Variants in ESX1 observed in about 807,000 individuals in gnomAD.
ESX1 encodes ESX homeobox 1.
ESX1 carries 2 observed loss-of-function variants against 13.2 expected under a neutral mutation model. The observed-to-expected ratio is 0.15, with a 90% CI of 0.06 to 0.48. The LOEUF (loss-of-function observed/expected upper bound fraction) is 0.48, where lower values mean the gene tolerates loss of function less well. Among genes scored for constraint, ESX1 ranks in the 20% least tolerant of loss-of-function variants. ESX1 has a pLI of 0.97. For missense variants in ESX1, 307 were observed against 379.0 expected (o/e 0.81, Z 1.58); for synonymous variants, 157 against 163.1 (o/e 0.96, Z 0.29).
At position 104,254,236 on chromosome X, in the gene ESX1, G is replaced by A. The variant is rs1556395203; in HGVS notation, c.424C>T (p.Arg142Cys). 2 of 1,212,041 alleles carry A rather than the reference G, an allele frequency of 1.7e-6. No homozygotes were observed. The highest frequency in any genetic ancestry group is 4.3e-5 in the Admixed American group (2 of 46,136). The part of the protein sequence containing the change: ...GPQPPERKRR[R>C]RTAFTQFQLQ... ...TGAAACTGCGTGAACGCGGTGCGGC[G>A]GCGGCGTTTCCTCTCTGGGGGCTGT... Residue 142 changes from arginine to cysteine, a missense_variant, in exon 2 of 4, where the codon CGC becomes TGC. Coordinates refer to ENST00000372588, the MANE Select transcript of ESX1 (RefSeq NM_153448.4).
intron 3 of ESX1, among the ~76,000 whole-genome samples, chrX:104,252,462 A>G (rs1556394562): frequency 8.9e-6 from 1 of 112,350 alleles, no homozygotes; most frequent in East Asian, 2.8e-4. Flanking sequence ...ACATGTGCAT[A>G]TATGTGTACG....
chrX:104,254,581 G>A lies in ESX1; in HGVS notation c.83-4C>T. The A allele has an allele frequency of 8.3e-7, 1 of 1,205,123 alleles. No individual in the cohort carries two copies. Among genetic ancestry groups the A allele is most frequent in the Non-Finnish European group, 1.1e-6 (1 of 890,649 alleles). On this transcript the variant is annotated splice_region_variant and splice_polypyrimidine_tract_variant and intron_variant, in intron 1 of 3. Transcript: ENST00000372588. ...GAGGTCACGGTAAGTTTCTCATCTG[G>A]GAAGGGAGGAAAGCAAAAGAGACAC...
chrX:104,250,528 C>T lies in ESX1; in HGVS notation c.921G>A (p.Pro307=), dbSNP rs184828935. The T allele has an allele frequency of 6.1e-3, 6,583 of 1,082,391 alleles. 25 individuals carry two copies. Among genetic ancestry groups the T allele is most frequent in the Non-Finnish European group, 7.2e-3 (5,977 of 834,510 alleles). The allele number at this position is 1,082,391 out of a possible 1,213,427, so 89.2% of individuals were successfully genotyped here. A position where few individuals can be genotyped will look rare whatever the true frequency, so the allele number is the denominator to read the frequency against. ...GCCCGGTTGGCACAGGCGCCATGGG[C>T]GGCCAGGGTGGCACAGGCGCCATGG... ...WPPMAPVPPW[P]PMAPVPTGPP... The change falls in exon 4 of 4, where the codon CCG becomes CCA. Residue 307 remains proline, a synonymous_variant. Coordinates refer to ENST00000372588, the MANE Select transcript of ESX1 (RefSeq NM_153448.4).
rs782574164 is a variant in ESX1, at chrX:104,254,430, C to T, written c.230G>A (p.Gly77Asp). Residue 77 changes from glycine to aspartate, a missense_variant, in exon 2 of 4, where the codon GGC becomes GAC. Physicochemically the swap from Gly to Asp is moderately conservative, Grantham distance 94. Coordinates refer to ENST00000372588, the MANE Select transcript of ESX1 (RefSeq NM_153448.4). ...CTGTTGCTCCGGCTCGTGGCCGCCGCCACCCTCACGGTCTTGGTCGTCCGA... is the reference window on the plus strand; with the variant it reads ...CTGTTGCTCCGGCTCGTGGCCGCCGTCACCCTCACGGTCTTGGTCGTCCGA... ...VPSDDQDREG[G>D]GGHEPEQQQE... 8.2e-7 allele frequency: 1 copy of T among 1,212,166 alleles called. No homozygotes were observed. The highest frequency in any genetic ancestry group is 1.1e-6 in the Non-Finnish European group (1 of 895,564).
Position 104,250,641 on chromosome X carries a change from T to G in ESX1, c.808A>C (p.Met270Leu). The G allele has an allele frequency of 8.3e-7, 1 of 1,208,195 alleles. No individual in the cohort carries two copies. The highest frequency in any genetic ancestry group is 1.1e-6 in the Non-Finnish European group (1 of 893,382). The change falls in exon 4 of 4, where the codon ATG becomes CTG. Residue 270 changes from methionine (M) to leucine (L), a missense_variant. Physicochemically the swap from Met to Leu is conservative, Grantham distance 15. This residue lies in a region of ESX1 where 108 missense variants were observed against 147.5 expected (regional missense o/e 0.73). Transcript: ENST00000372588. ...GGTGGCACAGGCGCCATGGGTGGCA[T>G]AGGTGCTATGGGTGGCCTGGGTGGC... ...PMPPRPPIAP[M>L]PPMAPVPPGS...
intron 2 of ESX1, among the ~76,000 whole-genome samples, chrX:104,253,780 C>A (rs782473747): frequency 8.9e-6 from 1 of 112,294 alleles, no homozygotes; most frequent in South Asian, 3.7e-4. Context: ...TGTAAAAGTG[C>A]GCTCCACGTG....
At chrX:104,253,938 A>T (rs782543740) in intron 2 of ESX1, among the ~76,000 whole-genome samples, 16 of 112,496 alleles carry the variant, frequency 1.4e-4, no homozygotes, top group African/African-American at 4.2e-4. Context: ...ACCCATGGTG[A>T]GCAAATTGCC....
chrX:104,252,892 C>A, intron 2 of ESX1, 64 bp from the exon 3 acceptor site: 1 of 1,050,183 alleles, frequency 9.5e-7, no homozygotes, highest in Non-Finnish European at 1.3e-6. Context: ...ATAATATGAA[C>A]GTGGCTCGGC....
At position 104,254,386 on chromosome X, in the gene ESX1, T is replaced by C. The variant is rs1556395325; in HGVS notation, c.274A>G (p.Thr92Ala). 8.3e-7 allele frequency: 1 copy of C among 1,210,752 alleles called. No individual in the cohort carries two copies. The highest frequency in any genetic ancestry group is 3.0e-5 in the East Asian group (1 of 33,776). ...TCCTCCTGCTGTTGCTCCGGCTTGG[T>C]CAGGGGCGGCTCCTCCTGCTGTTGC... ...PEQQQEEPPL[T>A]KPEQQQEEPP... Residue 92 changes from threonine to alanine, a missense_variant, in exon 2 of 4, where the codon ACC (threonine) becomes GCC (alanine). Coordinates refer to ENST00000372588, the MANE Select transcript of ESX1 (RefSeq NM_153448.4).
At chrX:104,252,315 G>A (rs1469882093) in intron 3 of ESX1, among the ~76,000 whole-genome samples, 4 of 112,054 alleles carry the variant, frequency 3.6e-5, no homozygotes, top group African/African-American at 1.3e-4. Context: ...GAATACTTCC[G>A]AGGTGAGACT....
intron 3 of ESX1, among the ~76,000 whole-genome samples, chrX:104,252,430 ATATG>A (rs782715176): frequency 1.8e-5 from 2 of 112,153 alleles, no homozygotes; most frequent in Admixed American, 1.9e-4. Context: ...TTATTGGGAT[ATATG>A]TATGTATGTA....
At position 104,250,831 on chromosome X, in the gene ESX1, A is replaced by G. The variant is rs1923165853; in HGVS notation, c.618T>C (p.Thr206=). The change falls in exon 4 of 4, where the codon ACT becomes ACC. Residue 206 remains threonine, a synonymous_variant. Transcript: ENST00000372588. ...AAGGGTGGGCCAGGTCAGCAGTAGC[A>G]GTGTTTCTCAACATTAGCACCCTCT... ...RNQRVLMLRN[T]ATADLAHPLD... is the part of the protein sequence containing the mutation. 1.7e-6 allele frequency: 2 copies of G among 1,211,786 alleles called. No homozygotes were observed. The highest frequency in any genetic ancestry group is 3.0e-5 in the East Asian group (1 of 33,834).
In ESX1 at chrX:104,252,773, A is replaced by G; in HGVS notation, c.552+10T>C. On this transcript the variant is annotated intron_variant, in intron 3 of 3. Transcript: ENST00000372588. The stretch of plus-strand genomic sequence containing the variant: ...TGTCCTGCCAAATTGCTTTTTCAAG[A>G]TTTACTGACCTGCACTCTGTCTTCA... The G allele has an allele frequency of 2.5e-6, 3 of 1,209,529 alleles. No individual in the cohort carries two copies. Among genetic ancestry groups the G allele is most frequent in the Non-Finnish European group, 3.4e-6 (3 of 893,757 alleles).
chrX:104,250,509 TTGGCACAGGCGCCATGGGCGGCCAGGG>T lies in ESX1; in HGVS notation c.913_939del (p.Pro305_Pro313del), dbSNP rs1569472715. The T allele has an allele frequency of 1.9e-3, 1,730 of 908,214 alleles. 8 individuals carry two copies. Among genetic ancestry groups the T allele is most frequent in the East Asian group, 8.2e-3 (165 of 20,240 alleles). 74.8% of individuals were successfully genotyped at this position (908,214 alleles called of 1,213,427 possible). A position where few individuals can be genotyped will look rare whatever the true frequency, so the allele number is the denominator to read the frequency against. On this transcript the variant is annotated inframe_deletion, in exon 4 of 4. Transcript: ENST00000372588. The stretch of plus-strand genomic sequence containing the variant: ...GGCACAGGCGCCATGGGCGGCCCGG[TTGGCACAGGCGCCATGGGCGGCCAGGG>T]TGGCACAGGCGCCATGGGCGGCCAG...
chrX:104,253,995 C>T (rs1196331886), intron 2 of ESX1, among the ~76,000 whole-genome samples, 159 bp downstream of exon 2: 2 of 112,059 alleles, frequency 1.8e-5, no homozygotes, highest in Non-Finnish European at 3.8e-5. Flanking sequence ...ACTCGCTTTA[C>T]CCTAGTCCCG....
rs1448517127 is a variant in ESX1, at chrX:104,254,474, G to A, written c.186C>T (p.Gly62=). 3.3e-6 allele frequency: 4 copies of A among 1,212,215 alleles called. No homozygotes were observed. The highest frequency in any genetic ancestry group is 4.5e-6 in the Non-Finnish European group (4 of 895,631). Reference sequence around the variant, plus strand: ...CGTCCGAGGGGACGGACCCTTCCGTGCCAACGTTGTTTTCCGCTTCTGTTC... The same window carrying A: ...CGTCCGAGGGGACGGACCCTTCCGTACCAACGTTGTTTTCCGCTTCTGTTC... ...EYGTEAENNV[G]TEGSVPSDDQ... The change falls in exon 2 of 4, where the codon GGC becomes GGT. Residue 62 remains glycine, a synonymous_variant. Transcript: ENST00000372588.
intron 2 of ESX1, 86 bp downstream of exon 2, chrX:104,254,068 C>A: frequency 1.8e-6 from 2 of 1,089,354 alleles, no homozygotes; most frequent in South Asian, 4.4e-5. Context: ...AGGGCGGAGG[C>A]AGCGCCCGTG....
At chrX:104,253,893 C>T (rs1556395037) in intron 2 of ESX1, among the ~76,000 whole-genome samples, 1 of 112,704 alleles carries the variant, frequency 8.9e-6, no homozygotes, top group African/African-American at 3.2e-5. Context: ...TATTTTAATG[C>T]AATATTAAAA....
In ESX1 at chrX:104,250,403, G is replaced by A. The variant is rs1165071069; in HGVS notation, c.1046C>T (p.Pro349Leu). The A allele has an allele frequency of 6.0e-6, 6 of 997,099 alleles. No individual in the cohort carries two copies. The South Asian group carries it at 1.5e-4, about 25-fold the overall frequency. The allele number at this position is 997,099 out of a possible 1,213,427, so 82.2% of individuals were successfully genotyped here. ...CAGAGGCGCCATGGGCGGCCCGGGT[G>A]GCAGAGGCGCCATGGGCGGCCCGGG... ...VPPGPPMAPL[P>L]PGPPMAPLPP... is the part of the protein sequence containing the mutation. The change falls in exon 4 of 4, where the codon CCA (proline) becomes CTA (leucine). Residue 349 changes from proline to leucine, a missense_variant. By Grantham distance (98) the Pro-to-Leu change is moderately conservative. Transcript: ENST00000372588.
Sources: gnomAD v4.1 joint callset for allele counts (sites outside exome capture counted in the v4.1 genomes callset) on GRCh38, gnomAD v4.1.1 for gene constraint, gnomAD v4.1.1 regional missense constraint, MANE v1.5 for transcripts, NCBI Gene and HGNC (gene_info 2026-07-23, HGNC 2026-07-21) for gene names.